Variants in NPVF observed in about 807,000 individuals in gnomAD.
The protein encoded by NPVF is neuropeptide VF precursor, also known as pro-FMRFamide-related neuropeptide VF.
A neutral mutation model predicts 15.7 loss-of-function variants in NPVF; 17 were observed. That is an observed-to-expected ratio of 1.08 (90% CI 0.74 to 1.62). The LOEUF (loss-of-function observed/expected upper bound fraction) is 1.62, where lower values mean the gene tolerates loss of function less well. Ranked by LOEUF, NPVF falls within the 40% of genes most tolerant of loss-of-function variation. The pLI is 0.00. For synonymous variants in NPVF, 70 were observed against 80.1 expected (o/e 0.87, Z 0.67); for missense variants, 270 against 225.2 (o/e 1.20, Z -1.27).
rs763585007 is a variant in NPVF, at chr7:25,227,065, T to C, written c.139-39A>G. 5 of 1,509,706 alleles carry C rather than the reference T, an allele frequency of 3.3e-6. No homozygotes were observed. In the Admixed American group the frequency reaches 5.9e-5, roughly 18 times the overall value. 93.5% of individuals were successfully genotyped at this position (1,509,706 alleles called of 1,614,324 possible). A position where few individuals can be genotyped will look rare whatever the true frequency, so the allele number is the denominator to read the frequency against. On this transcript the variant is annotated intron_variant, in intron 1 of 2. Transcript: ENST00000222674. ...TGACCATTACAATAACATACTGTTG[T>C]TATAAGCAACAGATTTAAACCCCCA...
At chr7:25,227,132 C>T in intron 1 of NPVF, 106 bp from the exon 2 acceptor site, 2 of 1,039,000 alleles carry the variant, frequency 1.9e-6, no homozygotes, top group Non-Finnish European at 2.8e-6. Flanking sequence ...ATTGTTAAAG[C>T]TATAAACAAA....
rs1362675699 is a variant in NPVF, at chr7:25,228,338, A to G, written c.102T>C (p.Asn34=). ...IFCADELVMS[N]LHSKENYDKY... is the part of the protein sequence containing the mutation. ...TGTCATAATTTTCTTTGCTGTGAAGATTGGACATCACTAATTCATCTGCAC... is the reference window on the plus strand; with the variant it reads ...TGTCATAATTTTCTTTGCTGTGAAGGTTGGACATCACTAATTCATCTGCAC... The change falls in exon 1 of 3, where the codon AAT becomes AAC. Residue 34 remains asparagine (N), a synonymous_variant. Coordinates refer to ENST00000222674, the MANE Select transcript of NPVF (RefSeq NM_022150.3). 18 of 1,533,260 alleles carry G rather than the reference A, an allele frequency of 1.2e-5. No individual in the cohort carries two copies. The East Asian group carries it at 4.1e-4, about 35-fold the overall frequency. 95.0% of individuals were successfully genotyped at this position (1,533,260 alleles called of 1,614,324 possible).
chr7:25,225,083 G>C lies in NPVF; in HGVS notation c.*39C>G. ...GGTCTTCGCTATAGAGCCATTTGTA[G>C]ATTACAGGCCACAGCTTTAGGGACA... On this transcript the variant is annotated 3_prime_UTR_variant, in exon 3 of 3. Coordinates refer to ENST00000222674, the MANE Select transcript of NPVF (RefSeq NM_022150.3). 3 of 1,582,148 alleles carry C rather than the reference G, an allele frequency of 1.9e-6. No individual in the cohort carries two copies. Among genetic ancestry groups the C allele is most frequent in the Non-Finnish European group, 2.6e-6 (3 of 1,154,666 alleles).
intron 2 of NPVF, among the ~76,000 whole-genome samples, chr7:25,226,066 C>A (rs1783124269): frequency 6.6e-6 from 1 of 152,098 alleles, no homozygotes; most frequent in Admixed American, 6.5e-5. Flanking sequence ...ACGCTCTCTA[C>A]TATAAAAGAA....
chr7:25,227,171 A>T, intron 1 of NPVF, 145 bp from the exon 2 acceptor site: 1 of 699,034 alleles, frequency 1.4e-6, no homozygotes, highest in East Asian at 2.6e-5. Flanking sequence ...AGAATTTTTA[A>T]ATGATTTGTA....
At chr7:25,225,244 AGCCATAGTCCTAACT>A in intron 2 of NPVF, 71 bp from the exon 3 acceptor site, 1 of 1,221,352 alleles carries the variant, frequency 8.2e-7, no homozygotes, top group Non-Finnish European at 1.2e-6. Context: ...TACAAATACA[AGCCATAGTCCTAACT>A]GCCTAATTAT....
intron 1 of NPVF, among the ~76,000 whole-genome samples, chr7:25,227,945 TTG>T (rs778484014): frequency 6.6e-6 from 1 of 151,838 alleles, no homozygotes; most frequent in African/African-American, 2.4e-5. Context: ...AATGTGTTTT[TTG>T]TTTGTTTGTT....
intron 2 of NPVF, 125 bp downstream of exon 2, chr7:25,226,501 T>C: frequency 8.6e-7 from 1 of 1,156,590 alleles, no homozygotes; most frequent in Non-Finnish European, 1.2e-6. Context: ...TGTCTTTGCC[T>C]CTCTCTCCTG....
Position 25,228,413 on chromosome 7 carries a change from G to T in NPVF, c.27C>A (p.Phe9Leu), listed in dbSNP as rs1168526434. 2 of 1,586,462 alleles carry T rather than the reference G, an allele frequency of 1.3e-6. No homozygotes were observed. Among genetic ancestry groups the T allele is most frequent in the South Asian group, 1.1e-5 (1 of 89,758 alleles). ...TTGAAGTGGCTAAAGTCAATAAAAT[G>T]AATAGTTTTGATGAAATAATTTCCA... is the stretch of plus-strand genomic sequence containing the variant. MEIISSKLFILLTLATSSL... is the reference protein window; with the variant it reads MEIISSKLLILLTLATSSL... Residue 9 changes from phenylalanine (F) to leucine (L), a missense_variant, in exon 1 of 3, where the codon TTC (phenylalanine) becomes TTA (leucine). Transcript: ENST00000222674.
At chr7:25,226,267 C>T (rs1403289303) in intron 2 of NPVF, among the ~76,000 whole-genome samples, 1 of 152,090 alleles carries the variant, frequency 6.6e-6, no homozygotes, top group African/African-American at 2.4e-5. Flanking sequence ...GAGATGGGGT[C>T]CTTTGCACCT....
rs1783134956 is a variant in NPVF at position 25,226,779 on chromosome 7, TGGGGCAGGTTA to T, written c.375_385del (p.Asn126LysfsTer17). The T allele has an allele frequency of 6.2e-7, 1 of 1,614,090 alleles. No homozygotes were observed. The highest frequency in any genetic ancestry group is 1.3e-5 in the African/African-American group (1 of 74,932). ...GGCTGTTGTTGTTCTCCCAAACCTT[TGGGGCAGGTTA>T]GGAACACGTCTCACGAGGCTCACCT... On this transcript the variant is annotated frameshift_variant, in exon 2 of 3. Transcript: ENST00000222674. LOFTEE classifies it high-confidence loss of function.
At position 25,228,295 on chromosome 7, in the gene NPVF, AACTT is replaced by A. The variant is rs1404273615; in HGVS notation, c.138+3_138+6del. 1 of 1,437,538 alleles carries A rather than the reference AACTT, an allele frequency of 7.0e-7. No homozygotes were observed. The highest frequency in any genetic ancestry group is 2.3e-5 in the East Asian group (1 of 43,378). The allele number at this position is 1,437,538 out of a possible 1,614,324, so 89.0% of individuals were successfully genotyped here. On this transcript the variant is annotated splice_donor_5th_base_variant and intron_variant, in intron 1 of 2. Coordinates refer to ENST00000222674, the MANE Select transcript of NPVF (RefSeq NM_022150.3). ...CTACTCACATTAGAGAGATTTAAAA[AACTT>A]ACCTCAGAATATTTGTCATAATTTT... is the stretch of plus-strand genomic sequence containing the variant.
intron 2 of NPVF, 33 bp downstream of exon 2, chr7:25,226,593 C>G: frequency 3.1e-6 from 5 of 1,602,218 alleles, no homozygotes; most frequent in Non-Finnish European, 1.7e-6. Flanking sequence ...TATATAACTG[C>G]CCATGCACTT....
chr7:25,226,782 G>T lies in NPVF; in HGVS notation c.383C>A (p.Pro128His). The T allele has an allele frequency of 6.2e-7, 1 of 1,614,062 alleles. No individual in the cohort carries two copies. Among genetic ancestry groups the T allele is most frequent in the South Asian group, 1.1e-5 (1 of 91,066 alleles). ...VSLVRRVPNLPQRFGRTTTAK... is the reference protein window; with the variant it reads ...VSLVRRVPNLHQRFGRTTTAK... ...TGTTGTTGTTCTCCCAAACCTTTGGGGCAGGTTAGGAACACGTCTCACGAG... is the reference window on the plus strand; with the variant it reads ...TGTTGTTGTTCTCCCAAACCTTTGGTGCAGGTTAGGAACACGTCTCACGAG... Residue 128 changes from proline (P) to histidine (H), a missense_variant, in exon 2 of 3, where the codon CCC becomes CAC. Pro to His is a moderately conservative substitution (Grantham distance 77). Coordinates refer to ENST00000222674, the MANE Select transcript of NPVF (RefSeq NM_022150.3).
In NPVF at chr7:25,226,658, T is replaced by C; in HGVS notation, c.507A>G (p.Gln169=). ...GTTTTTGATCGGGATTCTGGATTTC[T>C]TGGTGCTGGCAGGTCATGGAGTAAA... The part of the protein sequence containing the change: ...DLFYSMTCQH[Q]EIQNPDQKQS... The change falls in exon 2 of 3, where the codon CAA becomes CAG. Residue 169 remains glutamine, a synonymous_variant. Transcript: ENST00000222674. The C allele has an allele frequency of 6.2e-7, 1 of 1,614,094 alleles. No homozygotes were observed. Among genetic ancestry groups the C allele is most frequent in the Non-Finnish European group, 8.5e-7 (1 of 1,179,920 alleles).
At chr7:25,227,903 T>C (rs1783151674) in intron 1 of NPVF, among the ~76,000 whole-genome samples, 1 of 152,224 alleles carries the variant, frequency 6.6e-6, no homozygotes, top group African/African-American at 2.4e-5. Flanking sequence ...TTAGTACACA[T>C]TGGCCAGTTT....
chr7:25,226,136 A>G (rs1783125213), intron 2 of NPVF, among the ~76,000 whole-genome samples: 1 of 152,240 alleles, frequency 6.6e-6, no homozygotes, highest in Non-Finnish European at 1.5e-5. Flanking sequence ...AGGAGATAAT[A>G]CATATTTCTT....
At position 25,226,804 on chromosome 7, in the gene NPVF, C is replaced by T. The variant is rs3213641; in HGVS notation, c.361G>A (p.Val121Met). 436 of 1,614,116 alleles carry T rather than the reference C, an allele frequency of 2.7e-4. 3 individuals carry two copies. In the East Asian group the frequency reaches 7.2e-3, roughly 27 times the overall value. The change falls in exon 2 of 3, where the codon GTG becomes ATG. Residue 121 changes from valine to methionine, a missense_variant. Coordinates refer to ENST00000222674, the MANE Select transcript of NPVF (RefSeq NM_022150.3). ...TGGGGCAGGTTAGGAACACGTCTCA[C>T]GAGGCTCACCTCCATATTTCTTCCA... The part of the protein sequence containing the change: ...RSGRNMEVSL[V>M]RRVPNLPQRF...
chr7:25,228,476 C>T lies in NPVF; in HGVS notation c.-37G>A. 1 of 1,493,622 alleles carries T rather than the reference C, an allele frequency of 6.7e-7. No individual in the cohort carries two copies. The highest frequency in any genetic ancestry group is 9.1e-7 in the Non-Finnish European group (1 of 1,098,616). The allele number at this position is 1,493,622 out of a possible 1,614,324, so 92.5% of individuals were successfully genotyped here. On this transcript the variant is annotated 5_prime_UTR_variant, in exon 1 of 3. Coordinates refer to ENST00000222674, the MANE Select transcript of NPVF (RefSeq NM_022150.3). ...CTAAAATTAAGTCTCTATGTGCAGC[C>T]CAATGTTTATGAGAGGAGAAAAAAA...
Sources: allele counts gnomAD v4.1 joint callset (sites outside exome capture counted in the v4.1 genomes callset), GRCh38; gene constraint gnomAD v4.1.1; transcripts MANE v1.5; gene names NCBI Gene and HGNC (gene_info 2026-07-23, HGNC 2026-07-21).